CLMP: variants seen among roughly 807,000 people sequenced by gnomAD.
The protein encoded by CLMP is CXADR like cell adhesion molecule.
Under a neutral mutation model 45.2 loss-of-function variants are expected in CLMP, and 27 were observed. The observed-to-expected ratio is 0.60, with a 90% CI of 0.44 to 0.82. The LOEUF (loss-of-function observed/expected upper bound fraction) is 0.82. Ranked by LOEUF, CLMP falls within the 40% of genes least tolerant of loss-of-function variation. The probability of loss-of-function intolerance (pLI) is 0.00; values close to 1 mark genes in which losing one functional copy is unlikely to be tolerated. For missense variants in CLMP, 403 were observed against 448.4 expected (o/e 0.90, Z 0.91); for synonymous variants, 167 against 171.4 (o/e 0.97, Z 0.20).
In CLMP at chr11:123,160,061, C is replaced by T. The variant is rs200415752; in HGVS notation, c.28+34852G>A. 1.2e-3 allele frequency among the ~76,000 whole-genome samples: 176 copies of T among 151,976 alleles called. 4 individuals carry two copies. The East Asian group carries it at 0.029, about 25-fold the overall frequency. On this transcript the variant is annotated intron_variant, in intron 1 of 6. Coordinates refer to ENST00000448775, the MANE Select transcript of CLMP (RefSeq NM_024769.5). The stretch of plus-strand genomic sequence containing the variant: ...TGGGAGGCTGAGGCGGGAGGATCAC[C>T]GGAGGTCAGGAGTTTGAGGCCAGCC...
At chr11:123,074,905 A>G in intron 5 of CLMP, 62 bp from the exon 6 acceptor site, 1 of 1,548,866 alleles carries the variant, frequency 6.5e-7, no homozygotes, top group South Asian at 1.1e-5. Context: ...TATGTTATTA[A>G]CTCAAAAAAC....
chr11:123,094,019 T>C (rs1484079724), intron 2 of CLMP, among the ~76,000 whole-genome samples: 1 of 152,210 alleles, frequency 6.6e-6, no homozygotes, highest in Non-Finnish European at 1.5e-5. Flanking sequence ...GCAGCCTACA[T>C]AGCACATATT....
chr11:123,134,580 G>C (rs1861042781), intron 1 of CLMP, among the ~76,000 whole-genome samples: 1 of 151,864 alleles, frequency 6.6e-6, no homozygotes, highest in African/African-American at 2.4e-5. Flanking sequence ...GCTGAGGCGG[G>C]GGTGGGGGAT....
intron 1 of CLMP, among the ~76,000 whole-genome samples, chr11:123,120,487 T>A (rs1309316964): frequency 6.6e-6 from 1 of 152,114 alleles, no homozygotes; most frequent in Admixed American, 6.6e-5. Flanking sequence ...ACCAGAAAAA[T>A]TATTTTCTAG....
At chr11:123,149,255 A>G (rs1340072004) in intron 1 of CLMP, among the ~76,000 whole-genome samples, 1 of 152,204 alleles carries the variant, frequency 6.6e-6, no homozygotes, top group African/African-American at 2.4e-5. Context: ...CAGAGGAAAC[A>G]CCACTCTGCT....
At chr11:123,109,839 A>G (rs766870334) in intron 1 of CLMP, among the ~76,000 whole-genome samples, 1 of 152,194 alleles carries the variant, frequency 6.6e-6, no homozygotes, top group Non-Finnish European at 1.5e-5. Context: ...CCAACCTAGC[A>G]TATCCAGAGC....
chr11:123,096,655 T>C (rs1865993284), intron 2 of CLMP, among the ~76,000 whole-genome samples: 2 of 152,212 alleles, frequency 1.3e-5, no homozygotes, highest in African/African-American at 4.8e-5. Flanking sequence ...AATGAGGTGA[T>C]GTAGACAGCT....
intron 1 of CLMP, among the ~76,000 whole-genome samples, chr11:123,139,985 C>A (rs556964004): frequency 3.3e-5 from 5 of 152,180 alleles, no homozygotes; most frequent in Non-Finnish European, 5.9e-5. Flanking sequence ...ATAGTTCGGC[C>A]ATTAAGATTC....
At position 123,070,551 on chromosome 11, in the gene CLMP, T is replaced by C. The variant is rs1274093509; in HGVS notation, c.*2923A>G. The stretch of plus-strand genomic sequence containing the variant: ...CTCTTTTTCATGCAAAGGAGACTGA[T>C]TTTTGCTTTCAAAAGCATAGGCAGG... On this transcript the variant is annotated 3_prime_UTR_variant, in exon 7 of 7. Coordinates refer to ENST00000448775, the MANE Select transcript of CLMP (RefSeq NM_024769.5). 2.6e-5 allele frequency: 4 copies of C among 152,198 alleles called. No individual in the cohort carries two copies. The highest frequency in any genetic ancestry group is 5.9e-5 in the Non-Finnish European group (4 of 68,032). 9.4% of individuals were successfully genotyped at this position (152,198 alleles called of 1,614,324 possible). A position where few individuals can be genotyped will look rare whatever the true frequency, so the allele number is the denominator to read the frequency against.
intron 1 of CLMP, among the ~76,000 whole-genome samples, chr11:123,137,312 C>T (rs1387390963): frequency 6.6e-6 from 1 of 151,404 alleles, no homozygotes; most frequent in Admixed American, 6.6e-5. Context: ...CGCCACCACG[C>T]CCGGCTAATT....
In CLMP at chr11:123,150,416, T is replaced by TAAGAAAGAAAGA. The variant is rs1166159977; in HGVS notation, c.28+44485_28+44496dup. Among the ~76,000 whole-genome samples the TAAGAAAGAAAGA allele has an allele frequency of 9.2e-3, 285 of 30,924 alleles. 19 individuals carry two copies. Among genetic ancestry groups the TAAGAAAGAAAGA allele is most frequent in the Middle Eastern group, 0.056 (2 of 36 alleles). The allele number at this position is 30,924 out of a possible 152,430, so 20.3% of individuals were successfully genotyped here. Reference sequence around the variant, plus strand: ...AGATGAACAAAAGAAGGAAGGAAGGTAAGAAAGAAAGAAAGAAAGAAAGAA... The same window carrying TAAGAAAGAAAGA: ...AGATGAACAAAAGAAGGAAGGAAGGTAAGAAAGAAAGAAAGAAAGAAAGAAAGAAAGAAAGAA... On this transcript the variant is annotated intron_variant, in intron 1 of 6. Transcript: ENST00000448775.
intron 2 of CLMP, among the ~76,000 whole-genome samples, chr11:123,090,114 T>C (rs1865913391): frequency 6.6e-6 from 1 of 150,900 alleles, no homozygotes; most frequent in Non-Finnish European, 1.5e-5. Flanking sequence ...AAATTTCTTA[T>C]CATTTAGGAT....
chr11:123,089,288 G>A, intron 2 of CLMP, among the ~76,000 whole-genome samples: 1 of 152,066 alleles, frequency 6.6e-6, no homozygotes, highest in Non-Finnish European at 1.5e-5. Context: ...AGGTGGCTGA[G>A]GCAGGAGAAT....
intron 1 of CLMP, among the ~76,000 whole-genome samples, chr11:123,110,310 C>T (rs898568709): frequency 1.8e-4 from 28 of 151,966 alleles, no homozygotes; most frequent in Non-Finnish European, 3.5e-4. Flanking sequence ...AAAAATTAGC[C>T]GGCCGTGTTG....
At chr11:123,185,519 GAGA>G (rs1861822374) in intron 1 of CLMP, among the ~76,000 whole-genome samples, 1 of 152,220 alleles carries the variant, frequency 6.6e-6, no homozygotes, top group African/African-American at 2.4e-5. Flanking sequence ...CAGTGGAGCA[GAGA>G]AGGAGGCTGC....
intron 1 of CLMP, among the ~76,000 whole-genome samples, chr11:123,187,847 T>C (rs1413178680): frequency 6.6e-6 from 1 of 152,156 alleles, no homozygotes; most frequent in Non-Finnish European, 1.5e-5. Context: ...ATGCACTGAT[T>C]AATTCTACTC....
chr11:123,155,803 G>C (rs1381232337), intron 1 of CLMP, among the ~76,000 whole-genome samples: 1 of 152,068 alleles, frequency 6.6e-6, no homozygotes, highest in African/African-American at 2.4e-5. Flanking sequence ...TGACTTCCGA[G>C]ACTCAGTCAT....
At chr11:123,153,569 A>C (rs1051586005) in intron 1 of CLMP, among the ~76,000 whole-genome samples, 7 of 152,240 alleles carry the variant, frequency 4.6e-5, no homozygotes, top group African/African-American at 1.7e-4. Context: ...CATAAAGAGC[A>C]TACACATTTT....
intron 1 of CLMP, among the ~76,000 whole-genome samples, chr11:123,173,073 C>T (rs1861657283): frequency 6.6e-6 from 1 of 152,216 alleles, no homozygotes; most frequent in Middle Eastern, 3.2e-3. Flanking sequence ...CAGAGCTTCA[C>T]TCTCAAGGTT....
Sources: gnomAD v4.1 joint callset for allele counts (sites outside exome capture counted in the v4.1 genomes callset) on GRCh38, gnomAD v4.1.1 for gene constraint, MANE v1.5 for transcripts, NCBI Gene and HGNC (gene_info 2026-07-23, HGNC 2026-07-21) for gene names.